Variants in HBEGF observed in about 807,000 individuals in gnomAD.
The protein encoded by HBEGF is proheparin-binding EGF-like growth factor.
A neutral mutation model predicts 19.5 loss-of-function variants in HBEGF; 8 were observed. The ratio of observed to expected loss-of-function variants is 0.41; its 90% CI spans 0.24 to 0.74. The LOEUF (loss-of-function observed/expected upper bound fraction) is 0.74. HBEGF is among the 30% of genes least tolerant of loss of function. The pLI, the probability that HBEGF is intolerant of heterozygous loss-of-function variation, is 0.32. For synonymous variants in HBEGF, 97 were observed against 108.9 expected (o/e 0.89, Z 0.68); for missense variants, 207 against 256.9 (o/e 0.81, Z 1.33).
intron 5 of HBEGF, 106 bp from the exon 6 acceptor site, chr5:140,334,386 C>A (rs970684843): frequency 2.3e-6 from 1 of 427,854 alleles, no homozygotes; most frequent in African/African-American, 2.0e-5. Flanking sequence ...GACAGGGTTT[C>A]ACTCTGTCTC....
chr5:140,341,203 C>T (rs1283572992), intron 3 of HBEGF, among the ~76,000 whole-genome samples: 1 of 152,196 alleles, frequency 6.6e-6, no homozygotes, highest in South Asian at 2.1e-4. Flanking sequence ...GGTGGTCATC[C>T]GAGTCCAGCT....
intron 2 of HBEGF, among the ~76,000 whole-genome samples, chr5:140,343,657 A>T (rs989740707): frequency 6.6e-6 from 1 of 152,176 alleles, no homozygotes. Flanking sequence ...ACTGGGGGAA[A>T]AACAGCCTCA....
chr5:140,337,107 A>G (rs11465452), intron 3 of HBEGF, among the ~76,000 whole-genome samples: 1,812 of 152,288 alleles, frequency 0.012, 18 homozygotes, highest in Middle Eastern at 0.034. Flanking sequence ...CAAGGATTAC[A>G]GGCATGAGCC....
chr5:140,334,951 A>G, intron 4 of HBEGF: 1 of 603,998 alleles, frequency 1.7e-6, no homozygotes, highest in Non-Finnish European at 3.0e-6. Context: ...ATTTACAAAT[A>G]GCTTTCACCT....
At chr5:140,341,082 T>C (rs1766304935) in intron 3 of HBEGF, among the ~76,000 whole-genome samples, 1 of 152,152 alleles carries the variant, frequency 6.6e-6, no homozygotes. Flanking sequence ...ATATTATATA[T>C]AAACACTGAA....
At chr5:140,338,848 G>T (rs1766266364) in intron 3 of HBEGF, among the ~76,000 whole-genome samples, 1 of 152,192 alleles carries the variant, frequency 6.6e-6, no homozygotes, top group Admixed American at 6.5e-5. Flanking sequence ...AGGGTCCAGA[G>T]ACATCTTCCA....
Position 140,335,399 on chromosome 5 carries a change from A to AG in HBEGF, c.554+472_554+473insC, listed in dbSNP as rs1451491984. ...ACTCTGTCTCAAAAAAAAAAAAAAAAAAAGAAAGAAAGAAAACAGGCATAG... is the reference window on the plus strand; with the variant it reads ...ACTCTGTCTCAAAAAAAAAAAAAAAAGAAAGAAAGAAAGAAAACAGGCATAG... On this transcript the variant is annotated intron_variant, in intron 4 of 5. Transcript: ENST00000230990. Among the ~76,000 whole-genome samples the AG allele has an allele frequency of 2.1e-3, 316 of 148,934 alleles. 1 individual carries two copies. Among genetic ancestry groups the AG allele is most frequent in the Non-Finnish European group, 3.6e-3 (245 of 67,418 alleles).
At position 140,346,298 on chromosome 5, in the gene HBEGF, G is replaced by C; in HGVS notation, c.31C>G (p.Leu11Val). ...GCCCTCTTACCTGCAGCCAGAAAGA[G>C]CTTCAGCACCACCGACGGCAGCAGC... The part of the protein sequence containing the change: MKLLPSVVLK[L>V]FLAAVLSALV... The change falls in exon 1 of 6, where the codon CTC becomes GTC. Residue 11 changes from leucine to valine, a missense_variant. By Grantham distance (32) the Leu-to-Val change is conservative. Around this residue, in one of 3 missense-constraint regions of HBEGF, gnomAD observed 127 missense variants for 132.7 expected, o/e 0.96. Coordinates refer to ENST00000230990, the MANE Select transcript of HBEGF (RefSeq NM_001945.3). This position sits in a 1 kb window ranked among gnomAD's most constrained non-coding sequence, Gnocchi z 6.1. The C allele has an allele frequency of 6.2e-7, 1 of 1,608,782 alleles. No individual in the cohort carries two copies. The highest frequency in any genetic ancestry group is 8.5e-7 in the Non-Finnish European group (1 of 1,177,928).
Position 140,335,455 on chromosome 5 carries a change from T to C in HBEGF, c.554+417A>G, listed in dbSNP as rs923384821. 2.7e-5 allele frequency among the ~76,000 whole-genome samples: 4 copies of C among 149,730 alleles called. No individual in the cohort carries two copies. In the East Asian group the frequency reaches 5.9e-4, roughly 22 times the overall value. ...TTGGTGGGTCTCCCAAGCTAGAGCA[T>C]ACCTGGATTAGAAAGCAGGGCCTGA... On this transcript the variant is annotated intron_variant, in intron 4 of 5. Coordinates refer to ENST00000230990, the MANE Select transcript of HBEGF (RefSeq NM_001945.3).
At position 140,346,557 on chromosome 5, in the gene HBEGF, G is replaced by T; in HGVS notation, c.-229C>A. Reference sequence around the variant, plus strand: ...GCGGCCGCCCGACCCCGCGCGCCTAGGTCAGGCCAGCCAGCAGCGTGGCCC... The same window carrying T: ...GCGGCCGCCCGACCCCGCGCGCCTATGTCAGGCCAGCCAGCAGCGTGGCCC... On this transcript the variant is annotated 5_prime_UTR_variant, in exon 1 of 6. Transcript: ENST00000230990. This position sits in a 1 kb window ranked among gnomAD's most constrained non-coding sequence, Gnocchi z 6.1. 1 of 587,642 alleles carries T rather than the reference G, an allele frequency of 1.7e-6. No individual in the cohort carries two copies. The highest frequency in any genetic ancestry group is 3.0e-6 in the Non-Finnish European group (1 of 332,408). 36.4% of individuals were successfully genotyped at this position (587,642 alleles called of 1,614,324 possible).
At chr5:140,335,383 CAAAAAAA>C (rs752308223) in intron 4 of HBEGF, among the ~76,000 whole-genome samples, 2 of 91,160 alleles carry the variant, frequency 2.2e-5, no homozygotes, top group Non-Finnish European at 2.3e-5. Context: ...GACTCTGTCT[CAAAAAAA>C]AAAAAAAAAA....
intron 2 of HBEGF, 84 bp downstream of exon 2, chr5:140,345,827 T>A: frequency 6.5e-7 from 1 of 1,542,674 alleles, no homozygotes. Flanking sequence ...CAACCCACAG[T>A]ATTGCCCAAA....
At position 140,346,556 on chromosome 5, in the gene HBEGF, A is replaced by G. The variant is rs1766404249; in HGVS notation, c.-228T>C. On this transcript the variant is annotated 5_prime_UTR_variant, in exon 1 of 6. Coordinates refer to ENST00000230990, the MANE Select transcript of HBEGF (RefSeq NM_001945.3). The surrounding 1 kb of genome is among the most constrained non-coding windows in gnomAD (Gnocchi z 6.1). Reference sequence around the variant, plus strand: ...CGCGGCCGCCCGACCCCGCGCGCCTAGGTCAGGCCAGCCAGCAGCGTGGCC... The same window carrying G: ...CGCGGCCGCCCGACCCCGCGCGCCTGGGTCAGGCCAGCCAGCAGCGTGGCC... The G allele has an allele frequency of 1.5e-5, 9 of 586,616 alleles. No individual in the cohort carries two copies. The South Asian group carries it at 1.8e-4, about 12-fold the overall frequency. 36.3% of individuals were successfully genotyped at this position (586,616 alleles called of 1,614,324 possible).
chr5:140,339,991 C>G (rs1766283566), intron 3 of HBEGF, among the ~76,000 whole-genome samples: 1 of 152,230 alleles, frequency 6.6e-6, no homozygotes, highest in African/African-American at 2.4e-5. Flanking sequence ...TGCAATCAAC[C>G]CCCTGAAAAT....
At chr5:140,335,567 A>AGGG (rs1327211120) in intron 4 of HBEGF, among the ~76,000 whole-genome samples, 1 of 152,020 alleles carries the variant, frequency 6.6e-6, no homozygotes, top group Non-Finnish European at 1.5e-5. Flanking sequence ...CCATCAAAGA[A>AGGG]CAGCCAGGAG....
chr5:140,334,758 A>G lies in HBEGF; in HGVS notation c.555-10T>C, dbSNP rs1277611483. 1.9e-6 allele frequency: 3 copies of G among 1,610,030 alleles called. No homozygotes were observed. Among genetic ancestry groups the G allele is most frequent in the African/African-American group, 2.7e-5 (2 of 74,826 alleles). Reference sequence around the variant, plus strand: ...TCCTCTCCTATGGTACCTGAGGAAGATAAGTTTTGTGAATAAGCCCTGCCT... The same window carrying G: ...TCCTCTCCTATGGTACCTGAGGAAGGTAAGTTTTGTGAATAAGCCCTGCCT... On this transcript the variant is annotated splice_polypyrimidine_tract_variant and intron_variant, in intron 4 of 5. Transcript: ENST00000230990.
intron 2 of HBEGF, among the ~76,000 whole-genome samples, chr5:140,343,351 G>A (rs928393192): frequency 2.0e-5 from 3 of 152,094 alleles, no homozygotes; most frequent in African/African-American, 7.2e-5. Flanking sequence ...GTCTCTTCTG[G>A]GGCACCCCTT....
rs1766176300 is a variant in HBEGF at position 140,332,996 on chromosome 5, A to G, written c.*1303T>C. Reference sequence around the variant, plus strand: ...TCGTTTTGGTGAGGTGGGTGGGATTATACAAAGCCTTCCCCACCTCCAACC... The same window carrying G: ...TCGTTTTGGTGAGGTGGGTGGGATTGTACAAAGCCTTCCCCACCTCCAACC... On this transcript the variant is annotated 3_prime_UTR_variant, in exon 6 of 6. Transcript: ENST00000230990. The G allele has an allele frequency of 4.6e-5, 7 of 152,672 alleles. No homozygotes were observed. The highest frequency in any genetic ancestry group is 3.9e-4 in the Admixed American group (6 of 15,290). The allele number at this position is 152,672 out of a possible 1,614,324, so 9.5% of individuals were successfully genotyped here.
chr5:140,343,660 C>G (rs1284518429), intron 2 of HBEGF, among the ~76,000 whole-genome samples: 1 of 152,180 alleles, frequency 6.6e-6, no homozygotes, highest in Non-Finnish European at 1.5e-5. Flanking sequence ...GGGGGAAAAA[C>G]AGCCTCACCC....
Sources: gnomAD v4.1 joint callset for allele counts (sites outside exome capture counted in the v4.1 genomes callset) on GRCh38, gnomAD v4.1.1 for gene constraint, gnomAD v4.1.1 regional missense constraint, Gnocchi (gnomAD v3.1) non-coding constraint, MANE v1.5 for transcripts, NCBI Gene and HGNC (gene_info 2026-07-23, HGNC 2026-07-21) for gene names.